Variants in COBLL1 observed in about 807,000 individuals in gnomAD.
COBLL1 encodes the protein cordon-bleu WH2 repeat protein like 1.
COBLL1 carries 50 observed loss-of-function variants against 94.8 expected under a neutral mutation model. The ratio of observed to expected loss-of-function variants is 0.53; its 90% CI spans 0.42 to 0.67. COBLL1 has a LOEUF of 0.67. COBLL1 is among the 30% of genes least tolerant of loss of function. The pLI, the probability that COBLL1 is intolerant of heterozygous loss-of-function variation, is 0.00. For missense variants in COBLL1, 1,362 were observed against 1,348.7 expected, an observed-to-expected ratio of 1.01 and a Z score of -0.15; for synonymous variants, 448 against 473.8, an observed-to-expected ratio of 0.95 and a Z score of 0.71.
At chr2:164,679,748 C>T (rs1226376655), downstream of COBLL1, among the ~76,000 whole-genome samples, 1 of 132,194 alleles carries the variant, frequency 7.6e-6, no homozygotes, top group African/African-American at 2.9e-5. Context: ...CACATGGACA[C>T]AGGGAAGGGA....
intron 2 of COBLL1, among the ~76,000 whole-genome samples, chr2:164,765,285 A>T (rs993606881): frequency 6.6e-6 from 1 of 152,200 alleles, no homozygotes. Flanking sequence ...AATTAAGTAG[A>T]TCAAAAAACA....
At chr2:164,796,565 T>C (rs919871700) in intron 2 of COBLL1, among the ~76,000 whole-genome samples, 1 of 151,844 alleles carries the variant, frequency 6.6e-6, no homozygotes, top group African/African-American at 2.4e-5. Flanking sequence ...TCTTCGAACT[T>C]TCTACAATGA....
intron 7 of COBLL1, among the ~76,000 whole-genome samples, chr2:164,712,175 A>G (rs1684931873): frequency 6.6e-6 from 1 of 152,188 alleles, no homozygotes; most frequent in South Asian, 2.1e-4. Context: ...TAGTTATTAG[A>G]TCACTTATTA....
chr2:164,815,120 C>A (rs1684657889), intron 2 of COBLL1, among the ~76,000 whole-genome samples: 1 of 151,942 alleles, frequency 6.6e-6, no homozygotes, highest in East Asian at 1.9e-4. Flanking sequence ...ACTTTCCAGG[C>A]CAGACACAGG....
At chr2:164,753,739 ATTT>A (rs71393637) in intron 2 of COBLL1, among the ~76,000 whole-genome samples, 4 of 138,598 alleles carry the variant, frequency 2.9e-5, no homozygotes, top group Non-Finnish European at 4.7e-5. Context: ...GAGTATGGGA[ATTT>A]TTTTTTTTTT....
At chr2:164,764,118 G>C (rs1489155339) in intron 2 of COBLL1, among the ~76,000 whole-genome samples, 2 of 152,134 alleles carry the variant, frequency 1.3e-5, no homozygotes, top group Non-Finnish European at 2.9e-5. Context: ...GAGTGGTCTT[G>C]AACTGTTGGC....
intron 2 of COBLL1, among the ~76,000 whole-genome samples, chr2:164,783,296 C>T (rs1688798073): frequency 6.6e-6 from 1 of 152,042 alleles, no homozygotes; most frequent in South Asian, 2.1e-4. Flanking sequence ...GCTTGTGGTC[C>T]CAGCTACTCA....
chr2:164,725,332 A>T (rs556342230), intron 5 of COBLL1, among the ~76,000 whole-genome samples: 1 of 152,224 alleles, frequency 6.6e-6, no homozygotes, highest in Admixed American at 6.5e-5. Context: ...CTTATCGCAT[A>T]TGGATACACA....
chr2:164,722,967 G>A (rs534354597), intron 5 of COBLL1: 1 of 152,286 alleles, frequency 6.6e-6, no homozygotes, highest in Non-Finnish European at 1.5e-5. Context: ...CAAAATGTGA[G>A]TCATTATAAT....
intron 2 of COBLL1, among the ~76,000 whole-genome samples, chr2:164,824,341 A>G (rs551391869): frequency 6.6e-6 from 1 of 151,890 alleles, no homozygotes; most frequent in Non-Finnish European, 1.5e-5. Context: ...AGATCTCACC[A>G]TTGCACTCCA....
intron 3 of COBLL1, among the ~76,000 whole-genome samples, chr2:164,740,562 T>C (rs1456099192): frequency 8.5e-6 from 1 of 117,462 alleles, no homozygotes; most frequent in Admixed American, 8.5e-5. Context: ...TTTATGTTGC[T>C]ACCTCCATCT....
chr2:164,746,878 A>AC (rs1285693022), intron 2 of COBLL1, among the ~76,000 whole-genome samples: 2 of 151,566 alleles, frequency 1.3e-5, no homozygotes, highest in African/African-American at 4.9e-5. Context: ...TGACCTTAAC[A>AC]CCCCCATCTC....
chr2:164,828,893 G>A (rs763225538), intron 2 of COBLL1, among the ~76,000 whole-genome samples: 24 of 152,198 alleles, frequency 1.6e-4, no homozygotes, highest in Admixed American at 5.2e-4. Context: ...GTGGCTTATA[G>A]TTCCATTGGA....
intron 5 of COBLL1, chr2:164,724,154 C>A (rs184002804): frequency 5.9e-5 from 9 of 152,150 alleles, no homozygotes; most frequent in Admixed American, 5.2e-4. Context: ...ACACGGAGAA[C>A]CTTACTTTTT....
chr2:164,772,348 A>G (rs932525337), intron 2 of COBLL1, among the ~76,000 whole-genome samples: 3 of 152,044 alleles, frequency 2.0e-5, no homozygotes, highest in East Asian at 1.9e-4. Context: ...TTTGAATTAT[A>G]TAAGTTAGAT....
chr2:164,712,581 A>G (rs1394085216), intron 7 of COBLL1, among the ~76,000 whole-genome samples: 3 of 152,086 alleles, frequency 2.0e-5, no homozygotes, highest in Non-Finnish European at 2.9e-5. Context: ...CATATATCTG[A>G]GGGTCAAGTT....
chr2:164,727,756 A>G (rs927578182), intron 5 of COBLL1, among the ~76,000 whole-genome samples: 1 of 151,868 alleles, frequency 6.6e-6, no homozygotes, highest in Non-Finnish European at 1.5e-5. Context: ...TTTTAATTCC[A>G]ATTTCAATAA....
Position 164,700,585 on chromosome 2 carries a change from C to T in COBLL1, c.1397G>A (p.Gly466Asp), listed in dbSNP as rs776398427. ...GGAGTTTTGTGAGAACTCTCCACTACCATTGCCAAGGGCTGAGTCAGGATC... is the reference window on the plus strand; with the variant it reads ...GGAGTTTTGTGAGAACTCTCCACTATCATTGCCAAGGGCTGAGTCAGGATC... ...KNDPDSALGN[G>D]SGEFSQNSME... Residue 466 changes from glycine to aspartate, a missense_variant, in exon 10 of 14, where the codon GGT (glycine) becomes GAT (aspartate). By Grantham distance (94) the Gly-to-Asp change is moderately conservative. Transcript: ENST00000652658. The T allele has an allele frequency of 4.0e-5, 64 of 1,613,724 alleles. No individual in the cohort carries two copies. The highest frequency in any genetic ancestry group is 5.3e-5 in the Non-Finnish European group (63 of 1,179,854).
chr2:164,749,946 C>T (rs1687048407), intron 2 of COBLL1, among the ~76,000 whole-genome samples: 1 of 152,164 alleles, frequency 6.6e-6, no homozygotes, highest in Admixed American at 6.5e-5. Context: ...CATGTGGGCA[C>T]ACAATCTACT....
Sources: gnomAD v4.1 joint callset for allele counts (sites outside exome capture counted in the v4.1 genomes callset) on GRCh38, gnomAD v4.1.1 for gene constraint, MANE v1.5 for transcripts, NCBI Gene and HGNC (gene_info 2026-07-23, HGNC 2026-07-21) for gene names.